PCDHB12: variants seen among roughly 807,000 people sequenced by gnomAD.
The protein encoded by PCDHB12 is protocadherin beta-12.
For synonymous variants in PCDHB12, 560 were observed against 445.2 expected, an observed-to-expected ratio of 1.26 and a Z score of -3.24; for missense variants, 1,192 against 998.2, an observed-to-expected ratio of 1.19 and a Z score of -2.62.
At position 141,211,954 on chromosome 5, in the gene PCDHB12, A is replaced by G. The variant is rs1754471517; in HGVS notation, c.*659A>G. On this transcript the variant is annotated 3_prime_UTR_variant, in exon 1 of 1. Transcript: ENST00000239450. ...GTTTCTGCCTAACTAAAGAGAAGAA[A>G]AGTTTTTATCGTATTCATACTACTG... 1 of 167,292 alleles carries G rather than the reference A, an allele frequency of 6.0e-6. No homozygotes were observed. Among genetic ancestry groups the G allele is most frequent in the Admixed American group, 6.5e-5 (1 of 15,296 alleles). 10.4% of individuals were successfully genotyped at this position (167,292 alleles called of 1,614,324 possible). A position where few individuals can be genotyped will look rare whatever the true frequency, so the allele number is the denominator to read the frequency against.
chr5:141,209,525 G>A lies in PCDHB12; in HGVS notation c.618G>A (p.Pro206=), dbSNP rs782770568. 4.3e-6 allele frequency: 7 copies of A among 1,614,062 alleles called. No individual in the cohort carries two copies. In the East Asian group the frequency reaches 8.9e-5, roughly 21 times the overall value. Residue 206 remains proline, a synonymous_variant, in exon 1 of 1, where the codon CCG becomes CCA. Transcript: ENST00000239450. ...AGGCGCTGGATTATGAAGAGCGCCC[G>A]GAGCTCAGTTTCATCCTCACTGCTC... The part of the protein sequence containing the change: ...LDKALDYEER[P]ELSFILTALD...
In PCDHB12 at chr5:141,209,300, C is replaced by T. The variant is rs782792076; in HGVS notation, c.393C>T (p.Pro131=). The stretch of plus-strand genomic sequence containing the variant: ...TCAGGGATATAAATGATCACTCTCC[C>T]GTCTTCTTGGAAAAAGAAATGCTCT... ...LQVRDINDHS[P]VFLEKEMLLE... The change falls in exon 1 of 1, where the codon CCC becomes CCT. Residue 131 remains proline, a synonymous_variant. Transcript: ENST00000239450. 6.2e-7 allele frequency: 1 copy of T among 1,614,038 alleles called. No homozygotes were observed. Among genetic ancestry groups the T allele is most frequent in the Admixed American group, 1.7e-5 (1 of 59,998 alleles).
Position 141,210,116 on chromosome 5 carries a change from G to T in PCDHB12, c.1209G>T (p.Leu403Phe), listed in dbSNP as rs782634328. 17 of 1,614,034 alleles carry T rather than the reference G, an allele frequency of 1.1e-5. No individual in the cohort carries two copies. In the African/African-American group the frequency reaches 2.1e-4, roughly 20 times the overall value. ...CTTCGGTAAATAATTACTACACTTT[G>T]GAAACAGAGAGACCGCTGGACAGAG... ...LKSSVNNYYT[L>F]ETERPLDRES... Residue 403 changes from leucine (L) to phenylalanine (F), a missense_variant, in exon 1 of 1, where the codon TTG (leucine) becomes TTT (phenylalanine). Coordinates refer to ENST00000239450, the MANE Select transcript of PCDHB12 (RefSeq NM_018932.4).
chr5:141,209,812 C>G lies in PCDHB12; in HGVS notation c.905C>G (p.Thr302Ser), dbSNP rs781799169. ...FEINQKSGDITLTAPLDFEAI... is the reference protein window; with the variant it reads ...FEINQKSGDISLTAPLDFEAI... Reference sequence around the variant, plus strand: ...ATTAATCAAAAGTCTGGTGACATTACTTTAACAGCACCTTTGGATTTTGAA... The same window carrying G: ...ATTAATCAAAAGTCTGGTGACATTAGTTTAACAGCACCTTTGGATTTTGAA... The change falls in exon 1 of 1, where the codon ACT becomes AGT. Residue 302 changes from threonine to serine, a missense_variant. Thr to Ser is a moderately conservative substitution (Grantham distance 58, BLOSUM62 1). Transcript: ENST00000239450. 10 of 1,614,184 alleles carry G rather than the reference C, an allele frequency of 6.2e-6. No homozygotes were observed. The highest frequency in any genetic ancestry group is 8.5e-6 in the Non-Finnish European group (10 of 1,180,040).
Position 141,208,977 on chromosome 5 carries a change from T to C in PCDHB12, c.70T>C (p.Ser24Pro), listed in dbSNP as rs782765090. Residue 24 changes from serine (S) to proline (P), a missense_variant, in exon 1 of 1, where the codon TCT becomes CCT. By Grantham distance (74) the Ser-to-Pro change is moderately conservative (BLOSUM62 -1). Coordinates refer to ENST00000239450, the MANE Select transcript of PCDHB12 (RefSeq NM_018932.4). ...GCTTTTCTTTGTTTTGCTGGGAATG[T>C]CTCAGGCGGGCTCTGAAACTGGGAA... ...VLLFFVLLGM[S>P]QAGSETGNFL... 19 of 1,589,348 alleles carry C rather than the reference T, an allele frequency of 1.2e-5. No homozygotes were observed. The highest frequency in any genetic ancestry group is 1.8e-5 in the Admixed American group (1 of 55,814).
At position 141,209,680 on chromosome 5, in the gene PCDHB12, G is replaced by T; in HGVS notation, c.773G>T (p.Gly258Val). ...EVKILENSIL[G>V]SLVVTVSAWD... ...AAGATTCTGGAGAATAGCATCCTTG[G>T]CTCCCTGGTTGTGACCGTCTCAGCC... Residue 258 changes from glycine to valine, a missense_variant, in exon 1 of 1, where the codon GGC (glycine) becomes GTC (valine). By Grantham distance (109) the Gly-to-Val change is moderately radical (BLOSUM62 -3). Coordinates refer to ENST00000239450, the MANE Select transcript of PCDHB12 (RefSeq NM_018932.4). The T allele has an allele frequency of 6.2e-7, 1 of 1,614,172 alleles. No individual in the cohort carries two copies. The highest frequency in any genetic ancestry group is 8.5e-7 in the Non-Finnish European group (1 of 1,180,024).
Position 141,208,907 on chromosome 5 carries a change from T to C in PCDHB12, c.-1T>C, listed in dbSNP as rs782631652. The C allele has an allele frequency of 7.3e-6, 11 of 1,515,214 alleles. No individual in the cohort carries two copies. In the African/African-American group the frequency reaches 1.5e-4, roughly 21 times the overall value. 93.9% of individuals were successfully genotyped at this position (1,515,214 alleles called of 1,614,324 possible). Reference sequence around the variant, plus strand: ...GATTTTGGGGTTTTGGAAAAGAAGCTATGGAAAACGGAGGGGCAGGCACTC... The same window carrying C: ...GATTTTGGGGTTTTGGAAAAGAAGCCATGGAAAACGGAGGGGCAGGCACTC... On this transcript the variant is annotated 5_prime_UTR_variant, in exon 1 of 1. Transcript: ENST00000239450.
chr5:141,210,198 C>A lies in PCDHB12; in HGVS notation c.1291C>A (p.Leu431Ile). Residue 431 changes from leucine to isoleucine, a missense_variant, in exon 1 of 1, where the codon CTA becomes ATA. Physicochemically the swap from Leu to Ile is conservative, Grantham distance 5 (BLOSUM62 2). Transcript: ENST00000239450. ...ITVTDLGTPR[L>I]KTEHNITVLV... ...CGTCACCGACTTGGGGACCCCCAGG[C>A]TAAAAACCGAGCACAACATAACCGT... is the stretch of plus-strand genomic sequence containing the variant. The A allele has an allele frequency of 6.2e-7, 1 of 1,614,138 alleles. No homozygotes were observed. Among genetic ancestry groups the A allele is most frequent in the Non-Finnish European group, 8.5e-7 (1 of 1,179,988 alleles).
Position 141,210,812 on chromosome 5 carries a change from G to A in PCDHB12, c.1905G>A (p.Ala635=), listed in dbSNP as rs781896876. The part of the protein sequence containing the change: ...RTARLLSERD[A]AKHRLVVLVK... ...CCAGGCTGCTGAGCGAGCGCGACGC[G>A]GCCAAGCACAGGCTGGTGGTGCTGG... is the stretch of plus-strand genomic sequence containing the variant. Residue 635 remains alanine, a synonymous_variant, in exon 1 of 1, where the codon GCG becomes GCA. Transcript: ENST00000239450. 82 of 1,599,904 alleles carry A rather than the reference G, an allele frequency of 5.1e-5. No individual in the cohort carries two copies. The highest frequency in any genetic ancestry group is 1.6e-4 in the East Asian group (7 of 44,788).
chr5:141,211,119 G>C lies in PCDHB12; in HGVS notation c.2212G>C (p.Asp738His). Residue 738 changes from aspartate (D) to histidine (H), a missense_variant, in exon 1 of 1, where the codon GAC becomes CAC. Physicochemically the swap from Asp to His is moderately conservative, Grantham distance 81. Coordinates refer to ENST00000239450, the MANE Select transcript of PCDHB12 (RefSeq NM_018932.4). Reference sequence around the variant, plus strand: ...GGGCCCCTTTCCAGGACATCTGGTGGACGTGAGTGGCACCGGGACCCTGTC... The same window carrying C: ...GGGCCCCTTTCCAGGACATCTGGTGCACGTGAGTGGCACCGGGACCCTGTC... Reference protein sequence around the residue: ...PEGPFPGHLVDVSGTGTLSQS... With the variant: ...PEGPFPGHLVHVSGTGTLSQS... 1 of 1,614,168 alleles carries C rather than the reference G, an allele frequency of 6.2e-7. No homozygotes were observed. Among genetic ancestry groups the C allele is most frequent in the Non-Finnish European group, 8.5e-7 (1 of 1,180,036 alleles).
At position 141,208,808 on chromosome 5, in the gene PCDHB12, C is replaced by T; in HGVS notation, c.-100C>T. 9.4e-7 allele frequency: 1 copy of T among 1,066,310 alleles called. No individual in the cohort carries two copies. The highest frequency in any genetic ancestry group is 1.3e-6 in the Non-Finnish European group (1 of 744,346). The allele number at this position is 1,066,310 out of a possible 1,614,324, so 66.1% of individuals were successfully genotyped here. A position where few individuals can be genotyped will look rare whatever the true frequency, so the allele number is the denominator to read the frequency against. ...CAACAAGGTTAAAATCTTCAGGCTT[C>T]CGAGGATTTGGTAGACAGATCAGAG... is the stretch of plus-strand genomic sequence containing the variant. On this transcript the variant is annotated 5_prime_UTR_variant, in exon 1 of 1. Coordinates refer to ENST00000239450, the MANE Select transcript of PCDHB12 (RefSeq NM_018932.4).
At position 141,209,009 on chromosome 5, in the gene PCDHB12, G is replaced by A. The variant is rs1400408635; in HGVS notation, c.102G>A (p.Leu34=). Residue 34 remains leucine, a synonymous_variant, in exon 1 of 1, where the codon TTG becomes TTA. Transcript: ENST00000239450. ...SQAGSETGNF[L]VMEELQSGSF... is the part of the protein sequence containing the mutation. ...CGGGCTCTGAAACTGGGAACTTTTT[G>A]GTGATGGAGGAATTGCAGAGCGGGA... 12 of 1,606,060 alleles carry A rather than the reference G, an allele frequency of 7.5e-6. No homozygotes were observed. The highest frequency in any genetic ancestry group is 3.4e-5 in the Admixed American group (2 of 58,168).
In PCDHB12 at chr5:141,210,689, T is replaced by C. The variant is rs567584508; in HGVS notation, c.1782T>C (p.Gly594=). The change falls in exon 1 of 1, where the codon GGT becomes GGC. Residue 594 remains glycine, a synonymous_variant. Coordinates refer to ENST00000239450, the MANE Select transcript of PCDHB12 (RefSeq NM_018932.4). The stretch of plus-strand genomic sequence containing the variant: ...TGACCAAGGTGGTGGCGGTGGACGG[T>C]GACTCGGGCCAGAACGCCTGGCTGT... ...YLVTKVVAVD[G]DSGQNAWLSY... is the part of the protein sequence containing the mutation. 6.0e-3 allele frequency: 9,689 copies of C among 1,607,956 alleles called. 402 individuals are homozygous for C. The African/African-American group carries it at 0.092, about 15-fold the overall frequency.
rs10051434 is a variant in PCDHB12, at chr5:141,210,884, C to G, written c.1977C>G (p.His659Gln). The stretch of plus-strand genomic sequence containing the variant: ...CGCGCTCGGCCACCGCCACGCTGCA[C>G]GTGCTCCTGGTGGACGGCTTCTCCC... ...EPPRSATATL[H>Q]VLLVDGFSQP... Residue 659 changes from histidine to glutamine, a missense_variant, in exon 1 of 1, where the codon CAC becomes CAG. Physicochemically the swap from His to Gln is conservative, Grantham distance 24. Transcript: ENST00000239450. 1.9e-6 allele frequency: 3 copies of G among 1,607,018 alleles called. No individual in the cohort carries two copies.
chr5:141,209,564 C>G lies in PCDHB12; in HGVS notation c.657C>G (p.Ser219=), dbSNP rs1554286687. 1 of 1,614,142 alleles carries G rather than the reference C, an allele frequency of 6.2e-7. No homozygotes were observed. Among genetic ancestry groups the G allele is most frequent in the East Asian group, 2.2e-5 (1 of 44,874 alleles). ...SFILTALDGG[S]PPRSGTALVR... ...TCCTCACTGCTCTGGATGGCGGGTC[C>G]CCTCCCAGGTCTGGAACTGCCTTGG... Residue 219 remains serine, a synonymous_variant, in exon 1 of 1, where the codon TCC becomes TCG. Transcript: ENST00000239450.
Position 141,210,566 on chromosome 5 carries a change from C to T in PCDHB12, c.1659C>T (p.Asp553=), listed in dbSNP as rs139693592. ...CGCTGGTGCGCGTGCTGGTGCTGGA[C>T]GCCAACGACAACTCGCCCTTCGTGC... ...SEALVRVLVL[D]ANDNSPFVLY... Residue 553 remains aspartate (D), a synonymous_variant, in exon 1 of 1, where the codon GAC becomes GAT. Coordinates refer to ENST00000239450, the MANE Select transcript of PCDHB12 (RefSeq NM_018932.4). The T allele has an allele frequency of 4.3e-5, 69 of 1,611,612 alleles. No homozygotes were observed. The highest frequency in any genetic ancestry group is 5.4e-5 in the Non-Finnish European group (64 of 1,179,754).
Position 141,209,391 on chromosome 5 carries a change from G to A in PCDHB12, c.484G>A (p.Val162Ile), listed in dbSNP as rs1252301585. 6.2e-7 allele frequency: 1 copy of A among 1,614,088 alleles called. No individual in the cohort carries two copies. Among genetic ancestry groups the A allele is most frequent in the African/African-American group, 1.3e-5 (1 of 74,928 alleles). The change falls in exon 1 of 1, where the codon GTA becomes ATA. Residue 162 changes from valine to isoleucine, a missense_variant. Transcript: ENST00000239450. ...FLLESAKDLD[V>I]GINAVKSYTI... ...GCTTGAAAGTGCAAAGGATTTAGATGTAGGAATCAATGCTGTAAAAAGCTA... is the reference window on the plus strand; with the variant it reads ...GCTTGAAAGTGCAAAGGATTTAGATATAGGAATCAATGCTGTAAAAAGCTA...
In PCDHB12 at chr5:141,208,927, G is replaced by A. The variant is rs782262049; in HGVS notation, c.20G>A (p.Gly7Asp). 6.5e-7 allele frequency: 1 copy of A among 1,528,352 alleles called. No homozygotes were observed. The highest frequency in any genetic ancestry group is 8.8e-7 in the Non-Finnish European group (1 of 1,141,676). The allele number at this position is 1,528,352 out of a possible 1,614,324, so 94.7% of individuals were successfully genotyped here. A position where few individuals can be genotyped will look rare whatever the true frequency, so the allele number is the denominator to read the frequency against. Residue 7 changes from glycine to aspartate, a missense_variant, in exon 1 of 1, where the codon GGC (glycine) becomes GAC (aspartate). Transcript: ENST00000239450. MENGGA[G>D]TLQIRQVLLF... ...GAAGCTATGGAAAACGGAGGGGCAGGCACTCTGCAGATAAGGCAAGTCCTG... is the reference window on the plus strand; with the variant it reads ...GAAGCTATGGAAAACGGAGGGGCAGACACTCTGCAGATAAGGCAAGTCCTG...
In PCDHB12 at chr5:141,211,598, T is replaced by G. The variant is rs564435139; in HGVS notation, c.*303T>G. The G allele has an allele frequency of 3.6e-5, 14 of 391,964 alleles. No individual in the cohort carries two copies. The highest frequency in any genetic ancestry group is 5.8e-5 in the Non-Finnish European group (12 of 206,832). The allele number at this position is 391,964 out of a possible 1,614,324, so 24.3% of individuals were successfully genotyped here. A position where few individuals can be genotyped will look rare whatever the true frequency, so the allele number is the denominator to read the frequency against. On this transcript the variant is annotated 3_prime_UTR_variant, in exon 1 of 1. Transcript: ENST00000239450. ...TGTTTTCAATATTTACTGTGACTTTTGTTTTCTGAGTTGATTAGAATGCTG... is the reference window on the plus strand; with the variant it reads ...TGTTTTCAATATTTACTGTGACTTTGGTTTTCTGAGTTGATTAGAATGCTG...
Sources: gnomAD v4.1 joint callset for allele counts on GRCh38, gnomAD v4.1.1 for gene constraint, MANE v1.5 for transcripts, NCBI Gene and HGNC (gene_info 2026-07-23, HGNC 2026-07-21) for gene names.